Variants in SLC25A21 observed in about 807,000 individuals in gnomAD.
The protein encoded by SLC25A21 is solute carrier family 25 member 21.
In SLC25A21, 47 loss-of-function variants were observed where a neutral mutation model predicts 43.8. The ratio of observed to expected loss-of-function variants is 1.07; its 90% CI spans 0.85 to 1.37. The LOEUF is 1.37. Among genes scored for constraint, SLC25A21 ranks in the 40% most tolerant of loss-of-function variants. The pLI is 0.00. For missense variants in SLC25A21, 352 were observed against 350.2 expected (o/e 1.00, Z -0.04); for synonymous variants, 131 against 121.3 (o/e 1.08, Z -0.52).
intron 7 of SLC25A21, among the ~76,000 whole-genome samples, chr14:36,697,882 G>A (rs1883105755): frequency 6.6e-6 from 1 of 152,084 alleles, no homozygotes; most frequent in African/African-American, 2.4e-5. Context: ...GCCAGTCTGT[G>A]TCTTTTAATT....
chr14:37,075,403 AC>A (rs1962259603), intron 1 of SLC25A21, among the ~76,000 whole-genome samples: 1 of 152,108 alleles, frequency 6.6e-6, no homozygotes, highest in Admixed American at 6.5e-5. Context: ...ATATTGATAG[AC>A]CCAGACAATT....
chr14:36,881,124 T>G (rs1890708809), intron 1 of SLC25A21, among the ~76,000 whole-genome samples: 2 of 152,234 alleles, frequency 1.3e-5, no homozygotes, highest in Non-Finnish European at 2.9e-5. Flanking sequence ...GCATCAATTC[T>G]AGTCTTACAT....
At chr14:37,001,227 A>T (rs1052904778) in intron 1 of SLC25A21, among the ~76,000 whole-genome samples, 4 of 152,220 alleles carry the variant, frequency 2.6e-5, no homozygotes, top group Non-Finnish European at 5.9e-5. Flanking sequence ...TGTGCCTGGT[A>T]CATTATAGCT....
intron 7 of SLC25A21, among the ~76,000 whole-genome samples, chr14:36,686,804 T>C (rs1276307146): frequency 1.3e-5 from 2 of 152,196 alleles, no homozygotes; most frequent in Non-Finnish European, 2.9e-5. Context: ...GCTGATGTGT[T>C]TGCTGAGGAC....
chr14:36,686,743 G>A (rs1882567636), intron 7 of SLC25A21, among the ~76,000 whole-genome samples: 1 of 152,138 alleles, frequency 6.6e-6, no homozygotes, highest in Non-Finnish European at 1.5e-5. Context: ...GGACAAGAAT[G>A]GAAATGATGA....
At chr14:36,920,130 A>C (rs1440884641) in intron 1 of SLC25A21, among the ~76,000 whole-genome samples, 1 of 152,040 alleles carries the variant, frequency 6.6e-6, no homozygotes, top group Non-Finnish European at 1.5e-5. Flanking sequence ...ATGCTGTGTT[A>C]ATTAAGATTC....
At chr14:36,719,461 C>T (rs1884288717) in intron 6 of SLC25A21, among the ~76,000 whole-genome samples, 1 of 152,146 alleles carries the variant, frequency 6.6e-6, no homozygotes, top group Non-Finnish European at 1.5e-5. Flanking sequence ...CCAATTTTAT[C>T]CACACATGTT....
At chr14:36,989,613 C>T (rs1960220164) in intron 1 of SLC25A21, among the ~76,000 whole-genome samples, 1 of 151,356 alleles carries the variant, frequency 6.6e-6, no homozygotes, top group Non-Finnish European at 1.5e-5. Flanking sequence ...TTAAAGGTTT[C>T]CAGGAAAAAA....
At chr14:36,986,198 T>G (rs1960141554) in intron 1 of SLC25A21, among the ~76,000 whole-genome samples, 1 of 152,152 alleles carries the variant, frequency 6.6e-6, no homozygotes, top group South Asian at 2.1e-4. Flanking sequence ...ATAGACATAT[T>G]TTTACGTTTA....
chr14:36,788,532 C>T (rs980430183), intron 3 of SLC25A21: 4 of 148,152 alleles, frequency 2.7e-5, no homozygotes, highest in Non-Finnish European at 4.5e-5. Flanking sequence ...AGCACCAGGC[C>T]GCCCTTTAAT....
chr14:36,872,633 T>C (rs537288044), intron 2 of SLC25A21, among the ~76,000 whole-genome samples: 80 of 152,336 alleles, frequency 5.3e-4, no homozygotes, highest in African/African-American at 1.9e-3. Context: ...CTTATCATTA[T>C]GCAGGTCAAA....
At chr14:36,923,612 T>C (rs1892041425) in intron 1 of SLC25A21, among the ~76,000 whole-genome samples, 1 of 152,184 alleles carries the variant, frequency 6.6e-6, no homozygotes, top group South Asian at 2.1e-4. Flanking sequence ...GTGGGGTTTA[T>C]AATATATGTA....
chr14:36,761,101 G>T (rs1362206590), intron 3 of SLC25A21, among the ~76,000 whole-genome samples: 1 of 152,092 alleles, frequency 6.6e-6, no homozygotes, highest in East Asian at 1.9e-4. Context: ...TTCATCTGGG[G>T]CCTCTAAGGA....
intron 1 of SLC25A21, among the ~76,000 whole-genome samples, chr14:36,956,420 T>C (rs1448244071): frequency 1.3e-5 from 2 of 152,208 alleles, no homozygotes; most frequent in Non-Finnish European, 2.9e-5. Flanking sequence ...ATTTGGAACT[T>C]AATGAGGTTA....
chr14:36,832,392 T>G (rs998743650), intron 2 of SLC25A21, among the ~76,000 whole-genome samples: 3 of 152,292 alleles, frequency 2.0e-5, no homozygotes, highest in Non-Finnish European at 4.4e-5. Context: ...TTGGGTCGTA[T>G]GGATCATGGC....
intron 7 of SLC25A21, among the ~76,000 whole-genome samples, chr14:36,700,021 T>A (rs1883212873): frequency 6.6e-6 from 1 of 152,176 alleles, no homozygotes; most frequent in South Asian, 2.1e-4. Flanking sequence ...ATCACCCGTC[T>A]TCTGAGTTGA....
intron 3 of SLC25A21, among the ~76,000 whole-genome samples, chr14:36,797,085 G>C (rs1887701549): frequency 6.6e-6 from 1 of 152,160 alleles, no homozygotes; most frequent in South Asian, 2.1e-4. Context: ...TGTTAGATGA[G>C]TATAAAATTC....
intron 1 of SLC25A21, among the ~76,000 whole-genome samples, chr14:37,129,008 C>A (rs957973870): frequency 6.6e-6 from 1 of 152,146 alleles, no homozygotes; most frequent in Non-Finnish European, 1.5e-5. Flanking sequence ...ATTAAAAATT[C>A]ATTTCCTCAA....
intron 1 of SLC25A21, among the ~76,000 whole-genome samples, chr14:36,988,746 A>C (rs958885939): frequency 1.3e-5 from 2 of 152,198 alleles, no homozygotes; most frequent in Admixed American, 6.5e-5. Flanking sequence ...ATTCTGATTC[A>C]TGGCCACAGT....
Sources: gnomAD v4.1 joint callset for allele counts (sites outside exome capture counted in the v4.1 genomes callset) on GRCh38, gnomAD v4.1.1 for gene constraint, MANE v1.5 for transcripts, NCBI Gene and HGNC (gene_info 2026-07-23, HGNC 2026-07-21) for gene names.